The following RSF1 variants were observed in gnomAD, a reference collection of about 807,000 sequenced individuals.
RSF1 encodes the protein remodeling and spacing factor 1, also known as HBV pX-associated protein 8.
RSF1 carries 13 observed loss-of-function variants against 145.2 expected under a neutral mutation model. The ratio of observed to expected loss-of-function variants is 0.09; its 90% CI spans 0.06 to 0.14. The LOEUF is 0.14. Among genes scored for constraint, RSF1 ranks in the 10% least tolerant of loss-of-function variants. The probability of loss-of-function intolerance (pLI) is 1.00; values close to 1 mark genes in which losing one functional copy is unlikely to be tolerated. For missense variants in RSF1, 1,517 were observed against 1,718.2 expected (o/e 0.88, Z 2.07); for synonymous variants, 577 against 592.6 (o/e 0.97, Z 0.38).
the RSF1 span, among the ~76,000 whole-genome samples, chr11:77,871,848 A>T: frequency 6.6e-6 from 1 of 152,232 alleles, no homozygotes; most frequent in African/African-American, 2.4e-5. Context: ...ATTTACAGAC[A>T]TGAAAACAAA....
In RSF1 at chr11:77,700,771, T is replaced by C. The variant is rs1207850892; in HGVS notation, c.2458A>G (p.Lys820Glu). ...TTCTCTGATTTTTTCAAAATTTCCT[T>C]TTTGTCAGTTTTTTGCAAAGCTGTT... The part of the protein sequence containing the change: ...ESTALQKTDK[K>E]EILKKSEKDT... The change falls in exon 6 of 16, where the codon AAG (lysine) becomes GAG (glutamate). Residue 820 changes from lysine to glutamate, a missense_variant. Lys to Glu is a moderately conservative substitution (Grantham distance 56, BLOSUM62 1). Coordinates refer to ENST00000308488, the MANE Select transcript of RSF1 (RefSeq NM_016578.4). The C allele has an allele frequency of 3.8e-6, 6 of 1,589,860 alleles. No individual in the cohort carries two copies. The highest frequency in any genetic ancestry group is 3.5e-5 in the South Asian group (3 of 85,828).
At chr11:77,736,720 T>C (rs541085705) in intron 4 of RSF1, among the ~76,000 whole-genome samples, 53 of 152,296 alleles carry the variant, frequency 3.5e-4, no homozygotes, top group African/African-American at 1.2e-3. Flanking sequence ...AACTGAAAAT[T>C]TGACATAAAT....
At position 77,700,798 on chromosome 11, in the gene RSF1, A is replaced by T; in HGVS notation, c.2431T>A (p.Ser811Thr). Residue 811 changes from serine to threonine, a missense_variant, in exon 6 of 16, where the codon TCA becomes ACA. Physicochemically the swap from Ser to Thr is moderately conservative, Grantham distance 58. Transcript: ENST00000308488. ...TTGTCAGTTTTTTGCAAAGCTGTTG[A>T]CTCTTCTTCCACCTCATCTTCTCCT... ...GEGEDEVEEE[S>T]TALQKTDKKE... is the part of the protein sequence containing the mutation. 6.2e-7 allele frequency: 1 copy of T among 1,609,334 alleles called. No individual in the cohort carries two copies.
At chr11:77,783,605 G>A (rs1948425809) in intron 1 of RSF1, among the ~76,000 whole-genome samples, 1 of 152,174 alleles carries the variant, frequency 6.6e-6, no homozygotes, top group Admixed American at 6.5e-5. Context: ...GCTTTAGGAG[G>A]CTGAGGCGGG....
chr11:77,774,614 AAAT>A lies in RSF1; in HGVS notation c.188-9928_188-9926del, dbSNP rs1284957544. ...TAAATAAATAAATAAATAAATAAAT[AAAT>A]AAAATAAAGAAAAGAGAGTTCCTAG... is the stretch of plus-strand genomic sequence containing the variant. On this transcript the variant is annotated intron_variant, in intron 1 of 15. Transcript: ENST00000308488. Among the ~76,000 whole-genome samples, 690 of 142,578 alleles carry A rather than the reference AAAT, an allele frequency of 4.8e-3. 3 individuals are homozygous for A. Among genetic ancestry groups the A allele is most frequent in the Non-Finnish European group, 7.7e-3 (500 of 64,768 alleles). 93.5% of individuals were successfully genotyped at this position (142,578 alleles called of 152,430 possible).
intron 3 of RSF1, among the ~76,000 whole-genome samples, chr11:77,746,224 T>C (rs993203312): frequency 5.9e-5 from 9 of 152,150 alleles, no homozygotes; most frequent in Non-Finnish European, 5.9e-5. Flanking sequence ...ACCTGCATGA[T>C]TGTACACCCT....
the RSF1 span, among the ~76,000 whole-genome samples, chr11:77,829,483 A>C: frequency 6.6e-6 from 1 of 152,246 alleles, no homozygotes; most frequent in African/African-American, 2.4e-5. Flanking sequence ...ATTTAAAATA[A>C]ACATACCAAG....
chr11:77,737,621 G>GGTGTGTGTGTGTGTGTGTGT (rs1170824350), intron 4 of RSF1, among the ~76,000 whole-genome samples: 1 of 93,494 alleles, frequency 1.1e-5, no homozygotes, highest in African/African-American at 3.8e-5. Flanking sequence ...TGTTTTGGGG[G>GGTGTGTGTGTGTGTGTGTGT]GTGTGTGTGT....
At chr11:77,739,598 A>G (rs1254726328) in intron 4 of RSF1, 1 of 152,232 alleles carries the variant, frequency 6.6e-6, no homozygotes, top group Non-Finnish European at 1.5e-5. Context: ...ATTTTTTCAA[A>G]GCATTAATAA....
At chr11:77,815,090 T>C (rs1259070433) in intron 1 of RSF1, among the ~76,000 whole-genome samples, 1 of 152,152 alleles carries the variant, frequency 6.6e-6, no homozygotes, top group Non-Finnish European at 1.5e-5. Context: ...AAAGGGGAAG[T>C]GGAAGAGTAA....
rs1590839847 is a variant in RSF1 at position 77,702,497 on chromosome 11, TA to T, written c.734-3del. On this transcript the variant is annotated splice_region_variant and splice_polypyrimidine_tract_variant and intron_variant, in intron 5 of 15. Coordinates refer to ENST00000308488, the MANE Select transcript of RSF1 (RefSeq NM_016578.4). ...TCTTTTCACTTTCTTTCTGTTCCTC[TA>T]AAAATCAGAAAAAGCTTAATTACAT... is the stretch of plus-strand genomic sequence containing the variant. The T allele has an allele frequency of 6.6e-7, 1 of 1,521,686 alleles. No individual in the cohort carries two copies. The allele number at this position is 1,521,686 out of a possible 1,614,324, so 94.3% of individuals were successfully genotyped here. A position where few individuals can be genotyped will look rare whatever the true frequency, so the allele number is the denominator to read the frequency against.
chr11:77,793,822 C>T (rs1590890894), intron 1 of RSF1, among the ~76,000 whole-genome samples: 1 of 152,102 alleles, frequency 6.6e-6, no homozygotes, highest in Non-Finnish European at 1.5e-5. Flanking sequence ...GACCGGTCTT[C>T]CATCAAGGGT....
Position 77,665,228 on chromosome 11 carries a change from C to T in RSF1, c.*1689G>A, listed in dbSNP as rs1370984979. Reference sequence around the variant, plus strand: ...TTTTTAGTAATAAAAAAGAGAAGTGCTTTACTATACACTGACTAGCACATA... The same window carrying T: ...TTTTTAGTAATAAAAAAGAGAAGTGTTTTACTATACACTGACTAGCACATA... On this transcript the variant is annotated 3_prime_UTR_variant, in exon 16 of 16. Transcript: ENST00000308488. 2 of 152,110 alleles carry T rather than the reference C, an allele frequency of 1.3e-5. No individual in the cohort carries two copies. Among genetic ancestry groups the T allele is most frequent in the Non-Finnish European group, 2.9e-5 (2 of 68,026 alleles). 9.4% of individuals were successfully genotyped at this position (152,110 alleles called of 1,614,324 possible).
chr11:77,828,209 A>C, the RSF1 span, among the ~76,000 whole-genome samples: 1 of 152,098 alleles, frequency 6.6e-6, no homozygotes, highest in Non-Finnish European at 1.5e-5. Flanking sequence ...TGGGAGGCAG[A>C]GGTTGCAGTG....
intron 1 of RSF1, among the ~76,000 whole-genome samples, chr11:77,804,797 T>G (rs989438875): frequency 2.0e-5 from 3 of 152,110 alleles, no homozygotes; most frequent in African/African-American, 7.2e-5. Flanking sequence ...ACCACTATAC[T>G]CCAGCCGGGG....
chr11:77,768,847 T>C (rs926486604), intron 1 of RSF1, among the ~76,000 whole-genome samples: 4 of 152,196 alleles, frequency 2.6e-5, no homozygotes, highest in African/African-American at 9.6e-5. Flanking sequence ...CGGCACTGTC[T>C]ATTAAATAGA....
intron 1 of RSF1, among the ~76,000 whole-genome samples, chr11:77,802,276 C>G (rs1240816808): frequency 1.3e-5 from 2 of 152,170 alleles, no homozygotes; most frequent in African/African-American, 4.8e-5. Flanking sequence ...TCAAGTCAGA[C>G]AGAAGTGTGG....
chr11:77,708,603 G>T (rs891988463), intron 5 of RSF1, among the ~76,000 whole-genome samples: 6 of 152,148 alleles, frequency 3.9e-5, no homozygotes, highest in African/African-American at 1.2e-4. Context: ...ATTGACAACA[G>T]ATTCAAGTGA....
At chr11:77,717,251 C>T (rs1960837958) in intron 5 of RSF1, among the ~76,000 whole-genome samples, 1 of 151,606 alleles carries the variant, frequency 6.6e-6, no homozygotes, top group South Asian at 2.1e-4. Flanking sequence ...GGGTGTCACC[C>T]TTGGGGCCTC....
Sources: allele counts gnomAD v4.1 joint callset (sites outside exome capture counted in the v4.1 genomes callset), GRCh38; gene constraint gnomAD v4.1.1; transcripts MANE v1.5; gene names NCBI Gene and HGNC (gene_info 2026-07-23, HGNC 2026-07-21).